Variants in RFC5 observed in about 807,000 individuals in gnomAD.
The protein encoded by RFC5 is replication factor C subunit 5.
Under a neutral mutation model 44.3 loss-of-function variants are expected in RFC5, and 26 were observed. That is an observed-to-expected ratio of 0.59 (90% confidence interval 0.43 to 0.81). The LOEUF is 0.81. Ranked by LOEUF, RFC5 falls within the 40% of genes least tolerant of loss-of-function variation. The pLI is 0.00. For synonymous variants in RFC5, 155 were observed against 155.2 expected, an observed-to-expected ratio of 1.00 and a Z score of 0.01; for missense variants, 328 against 418.6, an observed-to-expected ratio of 0.78 and a Z score of 1.89.
At chr12:118,038,132 G>C in the RFC5 span, 3 of 580,666 alleles carry the variant, frequency 5.2e-6, no homozygotes, top group Non-Finnish European at 8.6e-6. Context: ...TAAAGTGCAA[G>C]TCACAAGGGA....
At chr12:118,036,497 C>G, downstream of RFC5, 6 of 1,612,660 alleles carry the variant, frequency 3.7e-6, no homozygotes, top group Non-Finnish European at 5.1e-6. Flanking sequence ...GGACCTCATG[C>G]TCCATAGAAA....
At chr12:118,036,599 G>C (rs2031517102), downstream of RFC5, 4 of 1,353,364 alleles carry the variant, frequency 3.0e-6, no homozygotes, top group African/African-American at 5.8e-5. Flanking sequence ...CACCAAATCT[G>C]CAGGCCCTGC....
At chr12:118,024,347 G>A (rs67374022) in intron 5 of RFC5, among the ~76,000 whole-genome samples, 122,986 of 149,316 alleles carry the variant, frequency 0.82, 51,243 homozygotes, top group East Asian at 0.96. Context: ...TTTCAAAAAA[G>A]AAAAAAGAGG....
At chr12:118,036,347 C>G, downstream of RFC5, 1 of 1,613,964 alleles carries the variant, frequency 6.2e-7, no homozygotes, top group South Asian at 1.1e-5. Context: ...CTGGAGTGAC[C>G]TCAGCCTTTC....
chr12:118,038,318 G>A, the RFC5 span: 1 of 1,614,152 alleles, frequency 6.2e-7, no homozygotes, highest in Non-Finnish European at 8.5e-7. Context: ...AGCACAGCAT[G>A]CTGCAGTCTG....
In RFC5 at chr12:118,023,226, C is replaced by T. The variant is rs574342703; in HGVS notation, c.421+867C>T. Among the ~76,000 whole-genome samples the T allele has an allele frequency of 4.0e-5, 6 of 151,780 alleles. No individual in the cohort carries two copies. The East Asian group carries it at 1.2e-3, about 29-fold the overall frequency. ...AATGATTTGGCAGCGGGAGGGACAG[C>T]ACCCTGCGATTTGTCTGTCTTCAGG... On this transcript the variant is annotated intron_variant, in intron 5 of 10. Coordinates refer to ENST00000454402, the MANE Select transcript of RFC5 (RefSeq NM_007370.7).
At chr12:118,023,778 C>T (rs2030719077) in intron 5 of RFC5, among the ~76,000 whole-genome samples, 1 of 147,312 alleles carries the variant, frequency 6.8e-6, no homozygotes, top group East Asian at 2.0e-4. Context: ...GTGTCATCAA[C>T]CTGCCAAATA....
downstream of RFC5, among the ~76,000 whole-genome samples, chr12:118,036,711 T>C (rs1046384045): frequency 4.6e-5 from 7 of 152,154 alleles, no homozygotes; most frequent in African/African-American, 1.4e-4. Context: ...TTTAAAACAA[T>C]GGGCATGCTC....
intron 6 of RFC5, 135 bp from the exon 7 acceptor site, chr12:118,025,612 C>G (rs999923006): frequency 4.4e-5 from 27 of 619,698 alleles, no homozygotes; most frequent in Non-Finnish European, 7.6e-5. Flanking sequence ...TCATATAGAT[C>G]AGGAGATTAT....
chr12:118,030,577 A>C (rs2031248501), intron 10 of RFC5, among the ~76,000 whole-genome samples: 1 of 152,184 alleles, frequency 6.6e-6, no homozygotes, highest in South Asian at 2.1e-4. Context: ...TCATTACATA[A>C]ATTTTGTATA....
the RFC5 span, among the ~76,000 whole-genome samples, chr12:118,039,055 C>T: frequency 7.9e-5 from 12 of 152,072 alleles, no homozygotes; most frequent in Admixed American, 6.5e-4. Flanking sequence ...AGCATCATTC[C>T]CAATTTTAAG....
chr12:118,036,440 G>C (rs1395775825), downstream of RFC5: 5 of 1,614,100 alleles, frequency 3.1e-6, no homozygotes, highest in Admixed American at 5.0e-5. Flanking sequence ...GAAGTCACAA[G>C]AGACAACACT....
intron 1 of RFC5, 94 bp downstream of exon 1, chr12:118,016,986 C>T: frequency 2.1e-6 from 2 of 968,938 alleles, no homozygotes; most frequent in Non-Finnish European, 1.6e-6. Context: ...GGACCCCAAC[C>T]CGACCTCTTC....
At chr12:118,025,860 T>C in intron 7 of RFC5, 32 bp downstream of exon 7, 1 of 1,428,156 alleles carries the variant, frequency 7.0e-7, no homozygotes, top group Non-Finnish European at 9.8e-7. Context: ...TTTTTTTTTT[T>C]TTTTTTGAGA....
In RFC5 at chr12:118,028,046, C is replaced by A. The variant is rs1438319611; in HGVS notation, c.871+16C>A. 1 of 1,539,412 alleles carries A rather than the reference C, an allele frequency of 6.5e-7. No homozygotes were observed. Among genetic ancestry groups the A allele is most frequent in the South Asian group, 1.1e-5 (1 of 89,774 alleles). The stretch of plus-strand genomic sequence containing the variant: ...GTGCATAGAGGTAACTTACATTATC[C>A]CCCAGCTGAGAAGCTGTGGAGAAGG... On this transcript the variant is annotated intron_variant, in intron 9 of 10. Coordinates refer to ENST00000454402, the MANE Select transcript of RFC5 (RefSeq NM_007370.7).
chr12:118,023,207 T>C (rs535104485), intron 5 of RFC5, among the ~76,000 whole-genome samples: 2 of 151,638 alleles, frequency 1.3e-5, no homozygotes, highest in African/African-American at 4.9e-5. Context: ...AGTGAATGAT[T>C]TGGCAGCGGG....
intron 9 of RFC5, among the ~76,000 whole-genome samples, chr12:118,028,786 CAG>C (rs1186996776): frequency 6.6e-6 from 1 of 152,128 alleles, no homozygotes; most frequent in Non-Finnish European, 1.5e-5. Context: ...ACCTTCTACA[CAG>C]AGAATTGGTT....
downstream of RFC5, chr12:118,035,030 C>T (rs2031474810): frequency 1.2e-6 from 2 of 1,614,180 alleles, no homozygotes; most frequent in East Asian, 4.5e-5. Context: ...TGCAGCAAAG[C>T]CCATTGGTCA....
chr12:118,027,978 G>A lies in RFC5; in HGVS notation c.819G>A (p.Lys273=). 4 of 1,610,284 alleles carry A rather than the reference G, an allele frequency of 2.5e-6. No homozygotes were observed. Among genetic ancestry groups the A allele is most frequent in the Non-Finnish European group, 3.4e-6 (4 of 1,176,828 alleles). ...ATATTACAGAGTTGAAAACTCTGAA[G>A]GGGTTGGCACTGCATGATATCCTGA... The part of the protein sequence containing the change: ...YRNITELKTL[K]GLALHDILTE... The change falls in exon 9 of 11, where the codon AAG becomes AAA. Residue 273 remains lysine, a synonymous_variant. Coordinates refer to ENST00000454402, the MANE Select transcript of RFC5 (RefSeq NM_007370.7).
Sources: allele counts gnomAD v4.1 joint callset (sites outside exome capture counted in the v4.1 genomes callset), GRCh38; gene constraint gnomAD v4.1.1; transcripts MANE v1.5; gene names NCBI Gene and HGNC (gene_info 2026-07-23, HGNC 2026-07-21).